The following GALNT14 variants were observed in gnomAD, a reference collection of about 807,000 sequenced individuals.
GALNT14 encodes the protein polypeptide N-acetylgalactosaminyltransferase 14, also known as UDP-GalNAc:polypeptide N-acetylgalactosaminyltransferase 14.
GALNT14 carries 60 observed loss-of-function variants against 77.5 expected under a neutral mutation model. The ratio of observed to expected loss-of-function variants is 0.77; its 90% CI spans 0.63 to 0.96. The LOEUF (loss-of-function observed/expected upper bound fraction) is 0.96. Ranked by LOEUF, GALNT14 falls within the 40% of genes least tolerant of loss-of-function variation. GALNT14 has a pLI of 0.00. For synonymous variants in GALNT14, 280 were observed against 281.7 expected, an observed-to-expected ratio of 0.99 and a Z score of 0.06; for missense variants, 710 against 731.0, an observed-to-expected ratio of 0.97 and a Z score of 0.33.
At chr2:31,045,962 C>A (rs1039946549) in intron 1 of GALNT14, among the ~76,000 whole-genome samples, 4 of 152,104 alleles carry the variant, frequency 2.6e-5, no homozygotes, top group Non-Finnish European at 4.4e-5. Context: ...ACAGGCCACT[C>A]CAATCCTTTG....
intron 1 of GALNT14, among the ~76,000 whole-genome samples, chr2:31,101,882 G>A (rs1677296596): frequency 6.6e-6 from 1 of 152,006 alleles, no homozygotes; most frequent in Admixed American, 6.6e-5. Context: ...TTGTGACAGT[G>A]AATTAGTTCT....
chr2:30,970,309 T>C (rs1668271004), intron 2 of GALNT14, among the ~76,000 whole-genome samples: 1 of 152,194 alleles, frequency 6.6e-6, no homozygotes, highest in East Asian at 1.9e-4. Context: ...CATTTGAGTC[T>C]GGACATGTCG....
At chr2:31,076,224 A>G (rs1675775845) in intron 1 of GALNT14, among the ~76,000 whole-genome samples, 1 of 152,214 alleles carries the variant, frequency 6.6e-6, no homozygotes, top group African/African-American at 2.4e-5. Flanking sequence ...CCCACCATGC[A>G]CCACACAATA....
chr2:31,075,530 ACAGCTGGACATGGCAGCATTTCT>A (rs1164836672), intron 1 of GALNT14, among the ~76,000 whole-genome samples: 2 of 152,220 alleles, frequency 1.3e-5, no homozygotes, highest in Admixed American at 1.3e-4. Context: ...AATGTGTGTC[ACAGCTGGACATGGCAGCATTTCT>A]GAGAAATAGA....
intron 1 of GALNT14, among the ~76,000 whole-genome samples, chr2:31,028,367 G>C (rs1672201183): frequency 6.6e-6 from 1 of 152,210 alleles, no homozygotes; most frequent in Non-Finnish European, 1.5e-5. Context: ...ATGGCGGAAA[G>C]CCAGATCAGA....
intron 1 of GALNT14, among the ~76,000 whole-genome samples, chr2:31,044,417 A>G (rs1193296493): frequency 6.6e-6 from 1 of 152,164 alleles, no homozygotes; most frequent in African/African-American, 2.4e-5. Context: ...CACCACCACC[A>G]TCTTCACGGG....
At chr2:30,958,360 AT>A (rs1667488273) in intron 4 of GALNT14, 36 bp downstream of exon 4, 4 of 1,576,794 alleles carry the variant, frequency 2.5e-6, no homozygotes, top group Non-Finnish European at 3.5e-6. Context: ...GGGAACAGAC[AT>A]TCGTGTCTAA....
chr2:30,909,146 C>T (rs1272932698), downstream of GALNT14, among the ~76,000 whole-genome samples: 116 of 151,240 alleles, frequency 7.7e-4, no homozygotes, highest in African/African-American at 1.2e-3. Context: ...GACATAGGCA[C>T]GGGCAAGGAC....
chr2:31,129,359 G>A, intron 1 of GALNT14: 1 of 984,660 alleles, frequency 1.0e-6, no homozygotes. Context: ...ACCAAGTGGT[G>A]GGGAAAAAAG....
At position 31,050,319 on chromosome 2, in the gene GALNT14, G is replaced by A. The variant is rs566549662; in HGVS notation, c.130-57312C>T. ...GTTGTAAAATATTTACCAAGCGGCC[G>A]AGGCGGCTCCCTTCTTCCCAGCACG... On this transcript the variant is annotated intron_variant, in intron 1 of 14. Coordinates refer to ENST00000349752, the MANE Select transcript of GALNT14 (RefSeq NM_024572.4). Among the ~76,000 whole-genome samples, 5 of 152,284 alleles carry A rather than the reference G, an allele frequency of 3.3e-5. No homozygotes were observed. The South Asian group carries it at 6.2e-4, about 19-fold the overall frequency.
chr2:31,122,687 T>A (rs1678473088), intron 1 of GALNT14, among the ~76,000 whole-genome samples: 1 of 152,196 alleles, frequency 6.6e-6, no homozygotes, highest in Non-Finnish European at 1.5e-5. Flanking sequence ...TCTATAAATT[T>A]TTTCTATACA....
intron 1 of GALNT14, among the ~76,000 whole-genome samples, chr2:31,019,763 T>C (rs1337541610): frequency 6.6e-6 from 1 of 152,188 alleles, no homozygotes; most frequent in African/African-American, 2.4e-5. Context: ...GAAGACCTAC[T>C]TGGAACATCA....
chr2:31,093,345 C>A (rs1676850158), intron 1 of GALNT14, among the ~76,000 whole-genome samples: 1 of 152,190 alleles, frequency 6.6e-6, no homozygotes, highest in African/African-American at 2.4e-5. Context: ...AGATTAGTCT[C>A]ATTTTGCAGA....
intron 6 of GALNT14, among the ~76,000 whole-genome samples, chr2:30,954,482 T>A: frequency 6.6e-6 from 1 of 152,142 alleles, no homozygotes; most frequent in African/African-American, 2.4e-5. Context: ...AGAGGAGATT[T>A]TTCTAAACAA....
intron 2 of GALNT14, among the ~76,000 whole-genome samples, chr2:30,980,657 C>T (rs1668930863): frequency 6.6e-6 from 1 of 152,214 alleles, no homozygotes; most frequent in African/African-American, 2.4e-5. Context: ...CTAGCCCAGC[C>T]ACTCAGTCAA....
chr2:30,932,738 C>T (rs1055572080), intron 9 of GALNT14, among the ~76,000 whole-genome samples: 3 of 152,206 alleles, frequency 2.0e-5, no homozygotes, highest in African/African-American at 7.2e-5. Flanking sequence ...GGGACTGAGT[C>T]CCCAGAAGGC....
In GALNT14 at chr2:31,070,915, C is replaced by T. The variant is rs61350468; in HGVS notation, c.129+67043G>A. ...TGTTAGCAAACAGGGACCAGGGCCT[C>T]CTCAGGCTTGGAAAAAATGAAAGTA... is the stretch of plus-strand genomic sequence containing the variant. On this transcript the variant is annotated intron_variant, in intron 1 of 14. Transcript: ENST00000349752. 2.3e-3 allele frequency among the ~76,000 whole-genome samples: 354 copies of T among 152,252 alleles called. 2 individuals are homozygous for T. The highest frequency in any genetic ancestry group is 8.1e-3 in the African/African-American group (338 of 41,552).
chr2:31,130,783 T>TGTGTGTGTGTGTGCGCGCGCGCGC (rs1181788023), intron 1 of GALNT14, among the ~76,000 whole-genome samples: 1 of 118,632 alleles, frequency 8.4e-6, no homozygotes, highest in African/African-American at 3.7e-5. Flanking sequence ...TGTGTGTGTG[T>TGTGTGTGTGTGTGCGCGCGCGCGC]GCGCGCGCAC....
intron 2 of GALNT14, among the ~76,000 whole-genome samples, chr2:30,980,103 A>G (rs1247402432): frequency 6.6e-6 from 1 of 152,196 alleles, no homozygotes; most frequent in African/African-American, 2.4e-5. Context: ...AGAGCTCTCT[A>G]AGGACTTCCC....
Sources: gnomAD v4.1 joint callset for allele counts (sites outside exome capture counted in the v4.1 genomes callset) on GRCh38, gnomAD v4.1.1 for gene constraint, MANE v1.5 for transcripts, NCBI Gene and HGNC (gene_info 2026-07-23, HGNC 2026-07-21) for gene names.